Variants in PLEKHG5 observed in about 807,000 individuals in gnomAD.
PLEKHG5 encodes the protein pleckstrin homology and RhoGEF domain containing G5, also known as pleckstrin homology domain-containing family G member 5.
Under a neutral mutation model 103.8 loss-of-function variants are expected in PLEKHG5, and 52 were observed. That is an observed-to-expected ratio of 0.50 (90% confidence interval 0.40 to 0.63). The LOEUF (loss-of-function observed/expected upper bound fraction) is 0.63, where lower values mean the gene tolerates loss of function less well. Ranked by LOEUF, PLEKHG5 falls within the 30% of genes least tolerant of loss-of-function variation. The pLI, the probability that PLEKHG5 is intolerant of heterozygous loss-of-function variation, is 0.00. For missense variants in PLEKHG5, 1,205 were observed against 1,347.6 expected, an observed-to-expected ratio of 0.89 and a Z score of 1.66; for synonymous variants, 592 against 575.5, an observed-to-expected ratio of 1.03 and a Z score of -0.41.
chr1:6,493,551 C>T (rs989159682), upstream of PLEKHG5, among the ~76,000 whole-genome samples: 6 of 152,204 alleles, frequency 3.9e-5, no homozygotes, highest in African/African-American at 1.2e-4. Context: ...AAGAATAACG[C>T]TGTTCTCCTG....
At chr1:6,504,539 TGGGA>T in intron 1 of PLEKHG5, among the ~76,000 whole-genome samples, 1 of 151,068 alleles carries the variant, frequency 6.6e-6, no homozygotes, top group South Asian at 2.1e-4. Flanking sequence ...TCCTCTCTCC[TGGGA>T]GCAGCACTTC....
At position 6,490,747 on chromosome 1, in the gene PLEKHG5, G is replaced by C. The variant is rs1324535943; in HGVS notation, c.-88+890C>G. Among the ~76,000 whole-genome samples the C allele has an allele frequency of 6.6e-6, 1 of 152,152 alleles. No homozygotes were observed. Among genetic ancestry groups the C allele is most frequent in the Non-Finnish European group, 1.5e-5 (1 of 68,020 alleles). On this transcript the variant is annotated intron_variant, in intron 1 of 20. Coordinates refer to ENST00000377728, the MANE Select transcript of PLEKHG5 (RefSeq NM_020631.6). This position sits in a 1 kb window ranked among gnomAD's most constrained non-coding sequence, Gnocchi z 8.0. The stretch of plus-strand genomic sequence containing the variant: ...GGCTGGAGGCCGGGCGGTGGCTTGG[G>C]GTAATCCAGGATCCGGGCTCAGGGG...
Position 6,502,848 on chromosome 1 carries a change from C to T in PLEKHG5, c.-164-6279G>A, listed in dbSNP as rs1055086725. On this transcript the variant is annotated intron_variant, in intron 1 of 21. Coordinates refer to the PLEKHG5 transcript ENST00000377740. Reference sequence around the variant, plus strand: ...CCCAGGCTCACCCACCCGACCGCCTCAGCTCATGCATGAGACCTGTTCACG... The same window carrying T: ...CCCAGGCTCACCCACCCGACCGCCTTAGCTCATGCATGAGACCTGTTCACG... Among the ~76,000 whole-genome samples, 10 of 152,234 alleles carry T rather than the reference C, an allele frequency of 6.6e-5. 1 individual carries two copies. The highest frequency in any genetic ancestry group is 1.9e-4 in the African/African-American group (8 of 41,462).
intron 1 of PLEKHG5, among the ~76,000 whole-genome samples, chr1:6,506,398 C>T (rs1199773678): frequency 4.6e-5 from 7 of 152,192 alleles, no homozygotes; most frequent in Non-Finnish European, 1.0e-4. Flanking sequence ...CTCCTACAGA[C>T]ATTTTACAAA....
chr1:6,490,615 G>A lies in PLEKHG5; in HGVS notation c.-88+1022C>T. The A allele has an allele frequency of 3.0e-6, 3 of 985,248 alleles. No homozygotes were observed. Among genetic ancestry groups the A allele is most frequent in the Non-Finnish European group, 3.6e-6 (3 of 829,786 alleles). The allele number at this position is 985,248 out of a possible 1,614,324, so 61.0% of individuals were successfully genotyped here. ...GACGTAGGGGAATTACGGTAGCCGC[G>A]CGGGCGCTACCACCTGGACCGGCCG... is the stretch of plus-strand genomic sequence containing the variant. On this transcript the variant is annotated intron_variant, in intron 1 of 20. Transcript: ENST00000377728. The surrounding 1 kb of genome is among the most constrained non-coding windows in gnomAD (Gnocchi z 8.0).
rs1429483808 is a variant in PLEKHG5, at chr1:6,490,636, G to T, written c.-88+1001C>A. ...CCGCGCGGGCGCTACCACCTGGACC[G>T]GCCGGGATGTACCAACGGCGCCGCC... On this transcript the variant is annotated intron_variant, in intron 1 of 20. Coordinates refer to ENST00000377728, the MANE Select transcript of PLEKHG5 (RefSeq NM_020631.6). The surrounding 1 kb of genome is among the most constrained non-coding windows in gnomAD (Gnocchi z 8.0). 1.0e-6 allele frequency: 1 copy of T among 983,620 alleles called. No individual in the cohort carries two copies. Among genetic ancestry groups the T allele is most frequent in the African/African-American group, 1.7e-5 (1 of 57,188 alleles). The allele number at this position is 983,620 out of a possible 1,614,324, so 60.9% of individuals were successfully genotyped here.
intron 1 of PLEKHG5, among the ~76,000 whole-genome samples, chr1:6,517,263 C>T (rs867263083): frequency 3.4e-5 from 5 of 148,160 alleles, no homozygotes; most frequent in Non-Finnish European, 3.0e-5. Context: ...GCCGAGATCG[C>T]GCCACTGCAC....
At chr1:6,495,372 C>CTCCTGTGCA (rs1645209519), upstream of PLEKHG5, among the ~76,000 whole-genome samples, 1 of 152,208 alleles carries the variant, frequency 6.6e-6, no homozygotes, top group Non-Finnish European at 1.5e-5. Flanking sequence ...CACCACGGCC[C>CTCCTGTGCA]TCCTGTGCAG....
intron 1 of PLEKHG5, among the ~76,000 whole-genome samples, chr1:6,482,535 A>C (rs1644930241): frequency 6.6e-6 from 1 of 152,126 alleles, no homozygotes; most frequent in Non-Finnish European, 1.5e-5. Flanking sequence ...GGGGCATTAC[A>C]TGTGTATCTC....
chr1:6,514,245 G>A (rs1444433277), intron 1 of PLEKHG5, among the ~76,000 whole-genome samples: 1 of 151,986 alleles, frequency 6.6e-6, no homozygotes, highest in Admixed American at 6.6e-5. Flanking sequence ...TCTGGAACCT[G>A]GGAGGTTGAG....
intron 1 of PLEKHG5, among the ~76,000 whole-genome samples, chr1:6,509,526 C>G (rs1638418024): frequency 6.6e-6 from 1 of 152,218 alleles, no homozygotes; most frequent in Non-Finnish European, 1.5e-5. Flanking sequence ...CGGCCATCGA[C>G]CCCCACGCCA....
intron 1 of PLEKHG5, among the ~76,000 whole-genome samples, chr1:6,518,557 C>CT (rs753127880): frequency 0.014 from 1,580 of 110,298 alleles, 40 homozygotes; most frequent in South Asian, 0.065. Flanking sequence ...GAAACTCCAT[C>CT]CCAAAAAAAA....
intron 1 of PLEKHG5, 124 bp from the exon 2 acceptor site, chr1:6,477,782 C>T (rs1644803193): frequency 9.2e-6 from 9 of 975,730 alleles, no homozygotes; most frequent in Non-Finnish European, 1.2e-5. Flanking sequence ...TGAGGAGACG[C>T]CCCCCAGCAG....
chr1:6,496,764 C>T, upstream of PLEKHG5: 1 of 554,140 alleles, frequency 1.8e-6, no homozygotes, highest in Non-Finnish European at 3.1e-6. Context: ...TCCTGCAGTC[C>T]TCAGGGAAAT....
intron 1 of PLEKHG5, among the ~76,000 whole-genome samples, chr1:6,516,273 T>C (rs995146408): frequency 1.3e-5 from 2 of 151,828 alleles, no homozygotes; most frequent in Admixed American, 1.3e-4. Context: ...AAAAAACAAA[T>C]AGGTGAAATA....
Position 6,489,729 on chromosome 1 carries a change from C to G in PLEKHG5, c.-88+1908G>C, listed in dbSNP as rs371688560. Among the ~76,000 whole-genome samples, 17 of 152,300 alleles carry G rather than the reference C, an allele frequency of 1.1e-4. No homozygotes were observed. In the South Asian group the frequency reaches 2.1e-3, roughly 19 times the overall value. ...AAGACCTGGTCTGGAGCCTACGTTC[C>G]CCCACCCTTCCCCTACTGGGCCTCA... On this transcript the variant is annotated intron_variant, in intron 1 of 20. Coordinates refer to ENST00000377728, the MANE Select transcript of PLEKHG5 (RefSeq NM_020631.6).
At chr1:6,519,895 G>T (rs1419820629) in exon 1 of PLEKHG5, 3 of 335,646 alleles carry the variant, frequency 8.9e-6, no homozygotes, top group Admixed American at 8.9e-5. Flanking sequence ...TGCCCTGGAG[G>T]TGCCGTCCCT....
upstream of PLEKHG5, chr1:6,496,481 C>G: frequency 6.2e-7 from 1 of 1,600,494 alleles, no homozygotes; most frequent in Admixed American, 1.7e-5. Flanking sequence ...CCAGGCTCTC[C>G]AGCCTCCCTA....
At chr1:6,496,915 T>TG (rs1204112239), upstream of PLEKHG5, 10 of 1,462,870 alleles carry the variant, frequency 6.8e-6, no homozygotes, top group East Asian at 5.3e-5. Context: ...GCAGGGCTGC[T>TG]GGGGGGAAGG....
Sources: allele counts gnomAD v4.1 joint callset (sites outside exome capture counted in the v4.1 genomes callset), GRCh38; gene constraint gnomAD v4.1.1; non-coding constraint Gnocchi (gnomAD v3.1); transcripts MANE v1.5; gene names NCBI Gene and HGNC (gene_info 2026-07-23, HGNC 2026-07-21).